Variants in KANK1 observed in about 807,000 individuals in gnomAD.
The protein encoded by KANK1 is KN motif and ankyrin repeat domain-containing protein 1.
KANK1 carries 109 observed loss-of-function variants against 106.2 expected under a neutral mutation model. The observed-to-expected ratio is 1.03, with a 90% CI of 0.88 to 1.20. KANK1 has a LOEUF of 1.20. Ranked by LOEUF, KANK1 falls within the 50% of genes most tolerant of loss-of-function variation. The probability of loss-of-function intolerance (pLI) is 0.00; values close to 1 mark genes in which losing one functional copy is unlikely to be tolerated. For synonymous variants in KANK1, 873 were observed against 652.2 expected (o/e 1.34, Z -5.16); for missense variants, 2,399 against 1,710.7 (o/e 1.40, Z -7.10).
chr9:538,413 A>C (rs892013615), intron 1 of KANK1, among the ~76,000 whole-genome samples: 2 of 152,234 alleles, frequency 1.3e-5, no homozygotes, highest in African/African-American at 4.8e-5. Flanking sequence ...CAGGAAGAAG[A>C]GGGAAAGAAA....
At chr9:562,243 G>A (rs1350674129) in intron 1 of KANK1, among the ~76,000 whole-genome samples, 6 of 150,250 alleles carry the variant, frequency 4.0e-5, no homozygotes, top group Non-Finnish European at 5.9e-5. Flanking sequence ...TAGTAGAGAC[G>A]GGGTTTCACC....
At chr9:578,232 CA>C (rs1389673058) in intron 1 of KANK1, among the ~76,000 whole-genome samples, 1 of 152,118 alleles carries the variant, frequency 6.6e-6, no homozygotes, top group East Asian at 1.9e-4. Flanking sequence ...TTATTTGCTT[CA>C]AACAAAGTAG....
intron 3 of KANK1, among the ~76,000 whole-genome samples, chr9:720,775 G>C (rs1829102281): frequency 6.6e-6 from 1 of 152,154 alleles, no homozygotes; most frequent in Non-Finnish European, 1.5e-5. Context: ...TGGGATTACA[G>C]GTGTGAGCCA....
intron 1 of KANK1, among the ~76,000 whole-genome samples, chr9:653,376 A>G (rs1220192216): frequency 6.6e-6 from 1 of 152,110 alleles, no homozygotes; most frequent in Non-Finnish European, 1.5e-5. Context: ...AGTTCTCACA[A>G]GCAGTTTTTA....
chr9:581,235 G>A lies in KANK1; in HGVS notation c.-84+76481G>A, dbSNP rs555159840. On this transcript the variant is annotated intron_variant, in intron 1 of 11. Transcript: ENST00000382297. ...AGAGGGGCTCCCACAGTGCAGCGGC[G>A]GGCTGAAGGGCTCCTCAAGCACGGC... Among the ~76,000 whole-genome samples, 49 of 152,322 alleles carry A rather than the reference G, an allele frequency of 3.2e-4. 2 individuals carry two copies. The highest frequency in any genetic ancestry group is 8.7e-4 in the African/African-American group (36 of 41,582).
chr9:502,833 C>CTATT (rs1002624787), upstream of KANK1, among the ~76,000 whole-genome samples: 1 of 151,622 alleles, frequency 6.6e-6, no homozygotes, highest in East Asian at 1.9e-4. Flanking sequence ...GTCGAGGGCA[C>CTATT]TATTTATTTA....
intron 1 of KANK1, among the ~76,000 whole-genome samples, chr9:629,056 G>A (rs1295144591): frequency 1.4e-5 from 2 of 143,166 alleles, no homozygotes; most frequent in East Asian, 4.0e-4. Flanking sequence ...TCCAGCCTGG[G>A]CAACAGGGCA....
chr9:499,173 G>C (rs2058507513), intron 3 of KANK1, among the ~76,000 whole-genome samples: 1 of 148,072 alleles, frequency 6.8e-6, no homozygotes, highest in South Asian at 2.2e-4. Flanking sequence ...GCAAGACTCT[G>C]TCTCAAAAAA....
In KANK1 at chr9:499,603, G is replaced by A. The variant is rs142271854; in HGVS notation, c.-362+26330G>A. The stretch of plus-strand genomic sequence containing the variant: ...AATCTTTTACCTTGTACTTGAAGCA[G>A]GGGCCAGGGAAGAGGACTCTGGAAA... On this transcript the variant is annotated intron_variant, in intron 3 of 15. Transcript: ENST00000382303. Among the ~76,000 whole-genome samples, 39 of 152,294 alleles carry A rather than the reference G, an allele frequency of 2.6e-4. 1 individual carries two copies. Among genetic ancestry groups the A allele is most frequent in the Admixed American group, 1.3e-3 (20 of 15,290 alleles).
At chr9:527,915 A>C (rs549746120) in intron 1 of KANK1, among the ~76,000 whole-genome samples, 1 of 148,596 alleles carries the variant, frequency 6.7e-6, no homozygotes, top group South Asian at 2.1e-4. Flanking sequence ...CCTGATCACA[A>C]GGTCAGGAGA....
intron 3 of KANK1, chr9:476,706 G>C (rs912198465): frequency 1.3e-5 from 2 of 152,132 alleles, no homozygotes; most frequent in Non-Finnish European, 2.9e-5. Context: ...TCTGTTCTCT[G>C]CACACTAAGA....
intron 1 of KANK1, among the ~76,000 whole-genome samples, chr9:634,374 G>T: frequency 6.6e-6 from 1 of 152,274 alleles, no homozygotes; most frequent in South Asian, 2.1e-4. Context: ...CCTGGCTCCC[G>T]GTGGGGTCAC....
rs145080261 is a variant in KANK1, at chr9:515,548, G to T, written c.-84+10794G>T. ...TTATGGATAACTCTACTAGTTCTGA[G>T]AATTAAGGTATTTAAAGGATGAAAC... On this transcript the variant is annotated intron_variant, in intron 1 of 11. Transcript: ENST00000382297. Among the ~76,000 whole-genome samples, 333 of 151,764 alleles carry T rather than the reference G, an allele frequency of 2.2e-3. 8 individuals are homozygous for T. Among genetic ancestry groups the T allele is most frequent in the African/African-American group, 7.7e-3 (317 of 41,098 alleles).
intron 1 of KANK1, among the ~76,000 whole-genome samples, chr9:658,437 C>G (rs1842607146): frequency 6.6e-6 from 1 of 151,908 alleles, no homozygotes; most frequent in Admixed American, 6.6e-5. Context: ...ATATATGGAG[C>G]TCTTTCTGGC....
intron 2 of KANK1, chr9:707,061 C>A (rs982081709): frequency 1.3e-5 from 13 of 985,298 alleles, no homozygotes; most frequent in African/African-American, 5.2e-5. Flanking sequence ...TCACTGCAGC[C>A]GGAGGGAGAC....
chr9:528,396 G>C (rs1443704925), intron 1 of KANK1, among the ~76,000 whole-genome samples: 1 of 148,542 alleles, frequency 6.7e-6, no homozygotes, highest in African/African-American at 2.5e-5. Context: ...TCTATGTCTT[G>C]GTCTTTTTAT....
At chr9:703,412 C>T (rs1823195592) in intron 2 of KANK1, among the ~76,000 whole-genome samples, 1 of 152,086 alleles carries the variant, frequency 6.6e-6, no homozygotes, top group Non-Finnish European at 1.5e-5. Flanking sequence ...TTACTCCTTC[C>T]ACTGAATAGG....
intron 1 of KANK1, among the ~76,000 whole-genome samples, chr9:631,019 C>G (rs1835599814): frequency 6.6e-6 from 1 of 152,042 alleles, no homozygotes; most frequent in African/African-American, 2.4e-5. Flanking sequence ...AAGGAAAAGG[C>G]CAAGTGAGGG....
At chr9:624,815 C>T (rs996242348) in intron 1 of KANK1, among the ~76,000 whole-genome samples, 1 of 151,882 alleles carries the variant, frequency 6.6e-6, no homozygotes, top group African/African-American at 2.4e-5. Context: ...CAAACAAAAA[C>T]AATATCCCCT....
Sources: gnomAD v4.1 joint callset for allele counts (sites outside exome capture counted in the v4.1 genomes callset) on GRCh38, gnomAD v4.1.1 for gene constraint, MANE v1.5 for transcripts, NCBI Gene and HGNC (gene_info 2026-07-23, HGNC 2026-07-21) for gene names.